CHRM3: variants seen among roughly 807,000 people sequenced by gnomAD.
CHRM3 encodes the protein muscarinic acetylcholine receptor M3.
In CHRM3, 11 loss-of-function variants were observed where a neutral mutation model predicts 41.8. The ratio of observed to expected loss-of-function variants is 0.26; its 90% CI spans 0.17 to 0.44. The LOEUF is 0.44. Ranked by LOEUF, CHRM3 falls within the 20% of genes least tolerant of loss-of-function variation. CHRM3 has a pLI of 1.00. For missense variants in CHRM3, 571 were observed against 745.4 expected (o/e 0.77, Z 2.72); for synonymous variants, 297 against 301.4 (o/e 0.99, Z 0.15).
intron 5 of CHRM3, among the ~76,000 whole-genome samples, chr1:239,770,637 G>C (rs1165136534): frequency 6.6e-6 from 1 of 152,102 alleles, no homozygotes; most frequent in African/African-American, 2.4e-5. Flanking sequence ...ACCAGGAAAG[G>C]TTTTCCATGC....
At chr1:239,685,098 G>A (rs1659006245) in intron 5 of CHRM3, among the ~76,000 whole-genome samples, 1 of 152,106 alleles carries the variant, frequency 6.6e-6, no homozygotes, top group Non-Finnish European at 1.5e-5. Flanking sequence ...TGATTTCACA[G>A]GGCATTTCGG....
chr1:239,747,879 G>GA (rs1329652008), intron 5 of CHRM3, among the ~76,000 whole-genome samples: 1 of 151,654 alleles, frequency 6.6e-6, no homozygotes, highest in African/African-American at 2.4e-5. Flanking sequence ...TAAAAATACA[G>GA]AAAAAAAATT....
intron 3 of CHRM3, among the ~76,000 whole-genome samples, chr1:239,574,089 T>C (rs1377145402): frequency 6.6e-6 from 1 of 152,142 alleles, no homozygotes; most frequent in Non-Finnish European, 1.5e-5. Flanking sequence ...GGGTTAGTCT[T>C]TTCTTTGTAC....
At chr1:239,549,019 A>G (rs1450480316) in intron 3 of CHRM3, among the ~76,000 whole-genome samples, 6 of 152,172 alleles carry the variant, frequency 3.9e-5, no homozygotes, top group Non-Finnish European at 8.8e-5. Context: ...GGTGGAAAGC[A>G]AGGAGGAGCA....
intron 2 of CHRM3, among the ~76,000 whole-genome samples, chr1:239,504,504 G>A (rs1000685494): frequency 3.9e-5 from 6 of 152,152 alleles, no homozygotes; most frequent in African/African-American, 1.4e-4. Context: ...AAAATAGTGT[G>A]GAGATTCCTT....
chr1:239,659,328 T>C (rs991844905), intron 4 of CHRM3, among the ~76,000 whole-genome samples: 2 of 152,156 alleles, frequency 1.3e-5, no homozygotes, highest in African/African-American at 2.4e-5. Flanking sequence ...TGTCTCCCTC[T>C]TGTCTGGAGG....
intron 6 of CHRM3, among the ~76,000 whole-genome samples, chr1:239,884,709 C>T (rs138809222): frequency 1.3e-5 from 2 of 152,248 alleles, no homozygotes; most frequent in East Asian, 3.9e-4. Context: ...TAGTTATTCT[C>T]ACTGAACTGT....
intron 1 of CHRM3, among the ~76,000 whole-genome samples, chr1:239,464,845 T>C (rs1215827333): frequency 6.6e-6 from 1 of 152,136 alleles, no homozygotes; most frequent in African/African-American, 2.4e-5. Context: ...GAAAGGACTG[T>C]CATGATTCCT....
intron 1 of CHRM3, among the ~76,000 whole-genome samples, chr1:239,471,613 G>A (rs977627965): frequency 2.0e-5 from 3 of 152,148 alleles, no homozygotes; most frequent in Non-Finnish European, 2.9e-5. Context: ...GAGAGTAGGG[G>A]AAAGCATCTT....
chr1:239,643,833 A>C (rs902790711), intron 4 of CHRM3, among the ~76,000 whole-genome samples: 1 of 152,194 alleles, frequency 6.6e-6, no homozygotes, highest in Admixed American at 6.5e-5. Flanking sequence ...CCTCAGGTGG[A>C]AATGCAGAAA....
At chr1:239,458,891 C>G (rs997589252) in intron 1 of CHRM3, among the ~76,000 whole-genome samples, 3 of 152,112 alleles carry the variant, frequency 2.0e-5, no homozygotes, top group Non-Finnish European at 2.9e-5. Context: ...TGGGAGACCC[C>G]CCCCCATCAG....
intron 3 of CHRM3, among the ~76,000 whole-genome samples, chr1:239,631,349 C>T (rs1171230046): frequency 6.6e-6 from 1 of 152,182 alleles, no homozygotes; most frequent in African/African-American, 2.4e-5. Flanking sequence ...ACATGCACCT[C>T]TAGGATCCTT....
intron 5 of CHRM3, among the ~76,000 whole-genome samples, chr1:239,696,918 G>C (rs1558463751): frequency 6.6e-6 from 1 of 152,140 alleles, no homozygotes; most frequent in African/African-American, 2.4e-5. Context: ...TTCATTAATA[G>C]TACTTTAAAA....
chr1:239,654,029 A>G (rs1672479454), intron 4 of CHRM3, among the ~76,000 whole-genome samples: 1 of 152,150 alleles, frequency 6.6e-6, no homozygotes, highest in African/African-American at 2.4e-5. Flanking sequence ...TGGCACGATC[A>G]CAGCTCTCTG....
intron 5 of CHRM3, among the ~76,000 whole-genome samples, chr1:239,801,656 A>C (rs1670223780): frequency 6.6e-6 from 1 of 152,194 alleles, no homozygotes; most frequent in Admixed American, 6.5e-5. Flanking sequence ...ATTAAAGGAA[A>C]ATGATATCTA....
At chr1:239,796,362 T>C (rs1450917644) in intron 5 of CHRM3, among the ~76,000 whole-genome samples, 1 of 151,914 alleles carries the variant, frequency 6.6e-6, no homozygotes, top group Non-Finnish European at 1.5e-5. Context: ...CAGAAAAAAA[T>C]CACAGCATAT....
chr1:239,631,804 A>G (rs1019617728), intron 3 of CHRM3, among the ~76,000 whole-genome samples: 1 of 152,208 alleles, frequency 6.6e-6, no homozygotes, highest in Non-Finnish European at 1.5e-5. Flanking sequence ...GAAGGTAGCA[A>G]ATGGAATACT....
At chr1:239,861,029 A>G (rs1472165255) in intron 6 of CHRM3, among the ~76,000 whole-genome samples, 2 of 152,210 alleles carry the variant, frequency 1.3e-5, no homozygotes, top group African/African-American at 2.4e-5. Context: ...CAAGTCACTT[A>G]GCAGGAGGAA....
At chr1:239,641,078 C>A (rs7413301) in intron 4 of CHRM3, among the ~76,000 whole-genome samples, 117,525 of 152,126 alleles carry the variant, frequency 0.77, 46,524 homozygotes, top group African/African-American at 0.94. Flanking sequence ...AGCGGTTTTG[C>A]GTGAGTTTCT....
Sources: allele counts gnomAD v4.1 joint callset (sites outside exome capture counted in the v4.1 genomes callset), GRCh38; gene constraint gnomAD v4.1.1; transcripts MANE v1.5; gene names NCBI Gene and HGNC (gene_info 2026-07-23, HGNC 2026-07-21).